Variants in EXOC3L1 observed in about 807,000 individuals in gnomAD.
EXOC3L1 encodes the protein exocyst complex component 3-like protein.
EXOC3L1 carries 79 observed loss-of-function variants against 83.6 expected under a neutral mutation model. The observed-to-expected ratio is 0.95, with a 90% CI of 0.79 to 1.14. The LOEUF (loss-of-function observed/expected upper bound fraction) is 1.14, where lower values mean the gene tolerates loss of function less well. EXOC3L1 is among the 50% of genes most tolerant of loss of function. The pLI, the probability that EXOC3L1 is intolerant of heterozygous loss-of-function variation, is 0.00. For synonymous variants in EXOC3L1, 433 were observed against 451.2 expected (o/e 0.96, Z 0.51); for missense variants, 945 against 972.0 (o/e 0.97, Z 0.37).
At chr16:67,185,703 C>G (rs998944224) in intron 9 of EXOC3L1, 3 of 582,740 alleles carry the variant, frequency 5.1e-6, no homozygotes, top group African/African-American at 1.9e-5. Flanking sequence ...AGACCTGCCT[C>G]AAATTCGCGG....
In EXOC3L1 at chr16:67,185,149, T is replaced by C. The variant is rs145474504; in HGVS notation, c.1736A>G (p.Asn579Ser). 1.2e-3 allele frequency: 1,873 copies of C among 1,613,032 alleles called. 1 individual carries two copies. The highest frequency in any genetic ancestry group is 1.5e-3 in the Non-Finnish European group (1,818 of 1,180,002). ...RFCRDFWRVRNPTVQLLLAEA... is the reference protein window; with the variant it reads ...RFCRDFWRVRSPTVQLLLAEA... ...CCCCCAACCCACCTGAACCGTGGGGTTCCGCACGCGCCAGAAGTCCCGGCA... is the reference window on the plus strand; with the variant it reads ...CCCCCAACCCACCTGAACCGTGGGGCTCCGCACGCGCCAGAAGTCCCGGCA... The change falls in exon 11 of 14, where the codon AAC becomes AGC. Residue 579 changes from asparagine (N) to serine (S), a missense_variant. Transcript: ENST00000314586.
At position 67,185,145 on chromosome 16, in the gene EXOC3L1, G is replaced by A. The variant is rs747795615; in HGVS notation, c.1740C>T (p.Pro580=). ...FCRDFWRVRN[P]TVQLLLAEAE... is the part of the protein sequence containing the mutation. Reference sequence around the variant, plus strand: ...TTTTCCCCCAACCCACCTGAACCGTGGGGTTCCGCACGCGCCAGAAGTCCC... The same window carrying A: ...TTTTCCCCCAACCCACCTGAACCGTAGGGTTCCGCACGCGCCAGAAGTCCC... Residue 580 remains proline, a synonymous_variant, in exon 11 of 14, where the codon CCC becomes CCT. Transcript: ENST00000314586. The A allele has an allele frequency of 9.3e-6, 15 of 1,613,296 alleles. No individual in the cohort carries two copies. The highest frequency in any genetic ancestry group is 6.6e-5 in the South Asian group (6 of 91,086).
At chr16:67,188,434 C>T (rs997813991) in intron 4 of EXOC3L1, among the ~76,000 whole-genome samples, 3 of 152,106 alleles carry the variant, frequency 2.0e-5, no homozygotes, top group South Asian at 2.1e-4. Flanking sequence ...ATCGGGGGGT[C>T]CTGCCAGTAC....
At position 67,188,863 on chromosome 16, in the gene EXOC3L1, TC is replaced by T; in HGVS notation, c.284del (p.Gly95GlufsTer6). The stretch of plus-strand genomic sequence containing the variant: ...GGGCCTGGCTCAGGGCCTCCCGGGT[TC>T]CCTGCACCACCTCAATGGCCTGGGC... ...QLAQAIEVVQ[G>X]TREALSQARG... On this transcript the variant is annotated frameshift_variant, in exon 4 of 14. Coordinates refer to ENST00000314586, the MANE Select transcript of EXOC3L1 (RefSeq NM_178516.4). LOFTEE classifies it high-confidence loss of function. 1 of 1,613,204 alleles carries T rather than the reference TC, an allele frequency of 6.2e-7. No individual in the cohort carries two copies. Among genetic ancestry groups the T allele is most frequent in the South Asian group, 1.1e-5 (1 of 91,084 alleles).
chr16:67,189,135 C>G lies in EXOC3L1; in HGVS notation c.92G>C (p.Gly31Ala). ...GCCTGAGGCCCACTTGAGCGCTGCACCCCGGGCCAGCTGCTCTGCCCGCTC... is the reference window on the plus strand; with the variant it reads ...GCCTGAGGCCCACTTGAGCGCTGCAGCCCGGGCCAGCTGCTCTGCCCGCTC... ...EQERAEQLAR[G>A]AALKWASGIF... Residue 31 changes from glycine to alanine, a missense_variant, in exon 3 of 14, where the codon GGT (glycine) becomes GCT (alanine). By Grantham distance (60) the Gly-to-Ala change is moderately conservative. Transcript: ENST00000314586. 6.2e-7 allele frequency: 1 copy of G among 1,607,316 alleles called. No individual in the cohort carries two copies. The highest frequency in any genetic ancestry group is 1.1e-5 in the South Asian group (1 of 90,804).
intron 9 of EXOC3L1, 98 bp from the exon 10 acceptor site, chr16:67,185,588 T>A: frequency 1.7e-6 from 2 of 1,148,542 alleles, no homozygotes; most frequent in Non-Finnish European, 2.5e-6. Context: ...GGCAAGTGTT[T>A]GACGGGAGGG....
chr16:67,184,772 G>A lies in EXOC3L1; in HGVS notation c.1944C>T (p.Leu648=). ...EENAHCAPVL[L]ALRELLNLRD... Reference sequence around the variant, plus strand: ...GGAGGTTTAGCAGCTCCCTCAGGGCGAGCAGCACCGGCGCGCAGTGCGCGT... The same window carrying A: ...GGAGGTTTAGCAGCTCCCTCAGGGCAAGCAGCACCGGCGCGCAGTGCGCGT... The change falls in exon 13 of 14, where the codon CTC becomes CTT. Residue 648 remains leucine (L), a synonymous_variant. Transcript: ENST00000314586. 1 of 1,598,428 alleles carries A rather than the reference G, an allele frequency of 6.3e-7. No homozygotes were observed. Among genetic ancestry groups the A allele is most frequent in the Non-Finnish European group, 8.5e-7 (1 of 1,177,494 alleles).
At chr16:67,189,582 C>T (rs780694535) in intron 2 of EXOC3L1, 49 bp downstream of exon 2, 6 of 1,608,296 alleles carry the variant, frequency 3.7e-6, no homozygotes, top group Admixed American at 3.3e-5. Context: ...CAGCCAGTCC[C>T]ATCTTTGTTG....
In EXOC3L1 at chr16:67,185,588, T is replaced by C. The variant is rs2032683061; in HGVS notation, c.1497-98A>G. The C allele has an allele frequency of 5.2e-6, 6 of 1,148,428 alleles. No homozygotes were observed. In the South Asian group the frequency reaches 7.6e-5, roughly 14 times the overall value. The allele number at this position is 1,148,428 out of a possible 1,614,324, so 71.1% of individuals were successfully genotyped here. A position where few individuals can be genotyped will look rare whatever the true frequency, so the allele number is the denominator to read the frequency against. Reference sequence around the variant, plus strand: ...GGCGCCACCTTGTGGGGCAAGTGTTTGACGGGAGGGAGCGAGAACAGCGGC... The same window carrying C: ...GGCGCCACCTTGTGGGGCAAGTGTTCGACGGGAGGGAGCGAGAACAGCGGC... On this transcript the variant is annotated intron_variant, in intron 9 of 13. Transcript: ENST00000314586.
rs140113175 is a variant in EXOC3L1 at position 67,187,026 on chromosome 16, T to C, written c.1153A>G (p.Ile385Val). ...CCTGTGCCTCAACTACTCACCTGGA[T>C]GTTGGCCACAAATGTTGCCTCCAGC... Reference protein sequence around the residue: ...EQLEATFVANIQASVSQWLQN... With the variant: ...EQLEATFVANVQASVSQWLQN... Residue 385 changes from isoleucine (I) to valine (V), a missense_variant, in exon 6 of 14, where the codon ATC (isoleucine) becomes GTC (valine). Coordinates refer to ENST00000314586, the MANE Select transcript of EXOC3L1 (RefSeq NM_178516.4). 1.4e-5 allele frequency: 23 copies of C among 1,613,576 alleles called. No individual in the cohort carries two copies. In the African/African-American group the frequency reaches 2.9e-4, roughly 21 times the overall value.
At chr16:67,187,933 G>T in intron 4 of EXOC3L1, 96 bp from the exon 5 acceptor site, 1 of 1,447,186 alleles carries the variant, frequency 6.9e-7, no homozygotes, top group Non-Finnish European at 9.2e-7. Context: ...CGGGGGTGAT[G>T]CATAAAATAT....
At position 67,184,905 on chromosome 16, in the gene EXOC3L1, A is replaced by T; in HGVS notation, c.1902T>A (p.Ser634Arg). 1.2e-6 allele frequency: 2 copies of T among 1,612,184 alleles called. No homozygotes were observed. Among genetic ancestry groups the T allele is most frequent in the Non-Finnish European group, 1.7e-6 (2 of 1,179,746 alleles). ...TGCCCGCCCAAGAAGCTCTCACCAA[A>T]CTGAGGAAAAGCTGCTGAAGCTGGG... ...DAAQLQQLFL[S>R]LGLEENAHCA... The change falls in exon 12 of 14, where the codon AGT (serine) becomes AGA (arginine). Residue 634 changes from serine (S) to arginine (R), a missense_variant. Coordinates refer to ENST00000314586, the MANE Select transcript of EXOC3L1 (RefSeq NM_178516.4).
Position 67,186,544 on chromosome 16 carries a change from T to G in EXOC3L1, c.1385+13A>C, listed in dbSNP as rs1220753171. On this transcript the variant is annotated intron_variant, in intron 8 of 13. Transcript: ENST00000314586. ...GGGATAGGGATCAGGAATGGGTCAG[T>G]GCCTCAGCAAACCTCCTCAAGAATG... 6.2e-7 allele frequency: 1 copy of G among 1,612,814 alleles called. No individual in the cohort carries two copies. Among genetic ancestry groups the G allele is most frequent in the Non-Finnish European group, 8.5e-7 (1 of 1,179,302 alleles).
Position 67,184,488 on chromosome 16 carries a change from C to G in EXOC3L1, c.2147G>C (p.Arg716Pro). 6.6e-7 allele frequency: 1 copy of G among 1,522,036 alleles called. No homozygotes were observed. Among genetic ancestry groups the G allele is most frequent in the Non-Finnish European group, 8.8e-7 (1 of 1,141,964 alleles). The allele number at this position is 1,522,036 out of a possible 1,614,324, so 94.3% of individuals were successfully genotyped here. ...ALPPSPRASR[R>P]VLFSLVPAPA... Reference sequence around the variant, plus strand: ...CGCGGGCACTAGGCTGAAGAGGACGCGGCGGCTCGCGCGGGGCGACGGCGG... The same window carrying G: ...CGCGGGCACTAGGCTGAAGAGGACGGGGCGGCTCGCGCGGGGCGACGGCGG... Residue 716 changes from arginine (R) to proline (P), a missense_variant, in exon 14 of 14, where the codon CGC (arginine) becomes CCC (proline). Arg to Pro is a moderately radical substitution (Grantham distance 103). Coordinates refer to ENST00000314586, the MANE Select transcript of EXOC3L1 (RefSeq NM_178516.4).
Position 67,188,879 on chromosome 16 carries a change from A to G in EXOC3L1, c.269T>C (p.Ile90Thr), listed in dbSNP as rs755226136. 1.2e-5 allele frequency: 19 copies of G among 1,612,834 alleles called. 1 individual carries two copies. The highest frequency in any genetic ancestry group is 8.8e-5 in the South Asian group (8 of 91,068). Residue 90 changes from isoleucine to threonine, a missense_variant, in exon 4 of 14, where the codon ATT becomes ACT. Coordinates refer to ENST00000314586, the MANE Select transcript of EXOC3L1 (RefSeq NM_178516.4). ...QTGVWQLAQA[I>T]EVVQGTREAL... Reference sequence around the variant, plus strand: ...CTCCCGGGTTCCCTGCACCACCTCAATGGCCTGGGCCAGCTGCCACACACC... The same window carrying G: ...CTCCCGGGTTCCCTGCACCACCTCAGTGGCCTGGGCCAGCTGCCACACACC...
Position 67,189,011 on chromosome 16 carries a change from C to T in EXOC3L1, c.207+9G>A, listed in dbSNP as rs759563572. The T allele has an allele frequency of 1.2e-6, 2 of 1,603,990 alleles. No homozygotes were observed. The highest frequency in any genetic ancestry group is 2.7e-5 in the African/African-American group (2 of 74,878). On this transcript the variant is annotated intron_variant, in intron 3 of 13. Coordinates refer to ENST00000314586, the MANE Select transcript of EXOC3L1 (RefSeq NM_178516.4). The stretch of plus-strand genomic sequence containing the variant: ...GTCCCAGCACCCGCACCCCCTGCCC[C>T]ATGCCCACCTTGAGGCGCGATTCCA...
chr16:67,185,668 G>A lies in EXOC3L1; in HGVS notation c.1497-178C>T. The A allele has an allele frequency of 6.5e-6, 4 of 619,728 alleles. No individual in the cohort carries two copies. The East Asian group carries it at 8.2e-5, about 13-fold the overall frequency. The allele number at this position is 619,728 out of a possible 1,614,324, so 38.4% of individuals were successfully genotyped here. ...CAGGGCTGGGAGACGGGCGCTTGGC[G>A]AGCTGCAAAGGACACAGCCCAGCGA... On this transcript the variant is annotated intron_variant, in intron 9 of 13. Transcript: ENST00000314586.
At chr16:67,189,875 C>T (rs1194111384) in intron 1 of EXOC3L1, 96 bp downstream of exon 1, 12 of 607,424 alleles carry the variant, frequency 2.0e-5, no homozygotes, top group Non-Finnish European at 2.6e-5. Flanking sequence ...CCCAGTCGTG[C>T]CCCTGCAGAT....
In EXOC3L1 at chr16:67,184,463, C is replaced by T. The variant is rs1203185245; in HGVS notation, c.2172G>A (p.Ala724=). ...SRRVLFSLVP[A]PALAPASCLP... is the part of the protein sequence containing the mutation. Reference sequence around the variant, plus strand: ...GGCAGGAGGCCGGCGCGAGCGCGGGCGCGGGCACTAGGCTGAAGAGGACGC... The same window carrying T: ...GGCAGGAGGCCGGCGCGAGCGCGGGTGCGGGCACTAGGCTGAAGAGGACGC... Residue 724 remains alanine, a synonymous_variant, in exon 14 of 14, where the codon GCG becomes GCA. Transcript: ENST00000314586. 6.5e-7 allele frequency: 1 copy of T among 1,528,868 alleles called. No individual in the cohort carries two copies. Among genetic ancestry groups the T allele is most frequent in the Non-Finnish European group, 8.7e-7 (1 of 1,143,988 alleles). 94.7% of individuals were successfully genotyped at this position (1,528,868 alleles called of 1,614,324 possible). A position where few individuals can be genotyped will look rare whatever the true frequency, so the allele number is the denominator to read the frequency against.
Sources: allele counts gnomAD v4.1 joint callset (sites outside exome capture counted in the v4.1 genomes callset), GRCh38; gene constraint gnomAD v4.1.1; transcripts MANE v1.5; gene names NCBI Gene and HGNC (gene_info 2026-07-23, HGNC 2026-07-21).